Variants in PAK2 observed in about 807,000 individuals in gnomAD.
PAK2 encodes p21 (RAC1) activated kinase 2.
A neutral mutation model predicts 65.9 loss-of-function variants in PAK2; 21 were observed. The ratio of observed to expected loss-of-function variants is 0.32; its 90% CI spans 0.23 to 0.46. PAK2 has a LOEUF of 0.46. Among genes scored for constraint, PAK2 ranks in the 20% least tolerant of loss-of-function variants. PAK2 has a pLI of 1.00. For synonymous variants in PAK2, 204 were observed against 219.7 expected, an observed-to-expected ratio of 0.93 and a Z score of 0.63; for missense variants, 324 against 642.6, an observed-to-expected ratio of 0.50 and a Z score of 5.36.
intron 1 of PAK2, among the ~76,000 whole-genome samples, chr3:196,769,685 T>C (rs957951432): frequency 4.7e-5 from 7 of 149,632 alleles, no homozygotes; most frequent in Non-Finnish European, 1.0e-4. Context: ...GGCGTGGTGG[T>C]AGGCGCCTGC....
chr3:196,825,515 C>A (rs376526160), intron 13 of PAK2, among the ~76,000 whole-genome samples: 26 of 150,784 alleles, frequency 1.7e-4, no homozygotes, highest in Non-Finnish European at 4.4e-5. Context: ...TTTTGGCGGG[C>A]GCCTATAATC....
Position 196,799,804 on chromosome 3 carries a change from G to A in PAK2, c.188-2123G>A, listed in dbSNP as rs1285897423. On this transcript the variant is annotated intron_variant, in intron 2 of 14. Transcript: ENST00000327134. ...GGCTGAAGTTTGCATTTTAGATACA[G>A]TGTTTTGCCATGTTGGCCAGATGGG... is the stretch of plus-strand genomic sequence containing the variant. 2.0e-5 allele frequency among the ~76,000 whole-genome samples: 3 copies of A among 152,142 alleles called. No individual in the cohort carries two copies. The East Asian group carries it at 5.8e-4, about 29-fold the overall frequency.
At chr3:196,805,136 T>C (rs1715546840) in intron 4 of PAK2, among the ~76,000 whole-genome samples, 1 of 152,110 alleles carries the variant, frequency 6.6e-6, no homozygotes, top group African/African-American at 2.4e-5. Flanking sequence ...TTCACTGATT[T>C]TTACTAAATT....
Position 196,754,487 on chromosome 3 carries a change from A to G in PAK2, c.-22+14330A>G, listed in dbSNP as rs1266239089. 2.6e-5 allele frequency among the ~76,000 whole-genome samples: 4 copies of G among 152,166 alleles called. No individual in the cohort carries two copies. In the East Asian group the frequency reaches 7.7e-4, roughly 29 times the overall value. On this transcript the variant is annotated intron_variant, in intron 1 of 14. Transcript: ENST00000327134. Reference sequence around the variant, plus strand: ...GCCTGATTTCCAGTGATGAACAGACATTCCTCTTCATATGGTATTCTGGGC... The same window carrying G: ...GCCTGATTTCCAGTGATGAACAGACGTTCCTCTTCATATGGTATTCTGGGC...
intron 1 of PAK2, among the ~76,000 whole-genome samples, chr3:196,771,293 T>A (rs190514237): frequency 6.6e-6 from 1 of 152,182 alleles, no homozygotes; most frequent in Admixed American, 6.5e-5. Context: ...TCTGTGAAAT[T>A]TGTCTTTTTT....
chr3:196,823,966 A>T (rs370303294), intron 13 of PAK2, among the ~76,000 whole-genome samples: 1 of 152,124 alleles, frequency 6.6e-6, no homozygotes, highest in African/African-American at 2.4e-5. Flanking sequence ...ATTGACCTTC[A>T]CGTGTATCAG....
intron 2 of PAK2, among the ~76,000 whole-genome samples, chr3:196,800,744 G>A (rs145593665): frequency 2.0e-5 from 3 of 152,242 alleles, no homozygotes; most frequent in Middle Eastern, 3.4e-3. Context: ...CCAAAATGGC[G>A]CTGGCCTTCT....
intron 1 of PAK2, among the ~76,000 whole-genome samples, chr3:196,778,719 C>A (rs1486955878): frequency 6.6e-6 from 1 of 152,190 alleles, no homozygotes; most frequent in Non-Finnish European, 1.5e-5. Context: ...CAGGGTGTCA[C>A]GTTGCGTTTA....
intron 1 of PAK2, among the ~76,000 whole-genome samples, chr3:196,780,883 G>C (rs968014152): frequency 6.6e-6 from 1 of 152,114 alleles, no homozygotes; most frequent in African/African-American, 2.4e-5. Flanking sequence ...CTGCCTCCCG[G>C]GTTCACGCCA....
At chr3:196,815,735 C>G (rs113579516) in intron 11 of PAK2, among the ~76,000 whole-genome samples, 5,297 of 151,338 alleles carry the variant, frequency 0.035, 126 homozygotes, top group Non-Finnish European at 0.049. Context: ...CACAGTGAGC[C>G]GAGATCGTGC....
chr3:196,743,113 C>T (rs1394815469), intron 1 of PAK2, among the ~76,000 whole-genome samples: 1 of 152,034 alleles, frequency 6.6e-6, no homozygotes, highest in Admixed American at 6.6e-5. Context: ...GAAAAAAATC[C>T]CTCATTGCCC....
intron 11 of PAK2, among the ~76,000 whole-genome samples, chr3:196,816,943 G>A (rs1018595720): frequency 1.3e-5 from 2 of 152,080 alleles, no homozygotes; most frequent in Admixed American, 1.3e-4. Flanking sequence ...GGGCACTGAA[G>A]AACATCTTCT....
intron 11 of PAK2, among the ~76,000 whole-genome samples, chr3:196,814,846 C>T (rs1220294055): frequency 6.6e-6 from 1 of 152,110 alleles, no homozygotes; most frequent in Non-Finnish European, 1.5e-5. Context: ...ACCATCCAAA[C>T]AGGACACTTT....
intron 1 of PAK2, among the ~76,000 whole-genome samples, chr3:196,744,167 T>C (rs961002109): frequency 4.6e-5 from 7 of 152,052 alleles, no homozygotes; most frequent in Admixed American, 1.3e-4. Flanking sequence ...AGTCCAGGAA[T>C]TTGAGGTCAG....
At position 196,820,281 on chromosome 3, in the gene PAK2, CAAAAT is replaced by C; in HGVS notation, c.1154-88_1154-84del. ...CTTTAAAAACAAGAGGCCTAATAGT[CAAAAT>C]ATAATTAATTACATAATCTGAAGTG... is the stretch of plus-strand genomic sequence containing the variant. On this transcript the variant is annotated intron_variant, in intron 12 of 14. Transcript: ENST00000327134. This position sits in a 1 kb window ranked among gnomAD's most constrained non-coding sequence, Gnocchi z 4.6. 1 of 656,218 alleles carries C rather than the reference CAAAAT, an allele frequency of 1.5e-6. No homozygotes were observed. Among genetic ancestry groups the C allele is most frequent in the Non-Finnish European group, 2.4e-6 (1 of 416,104 alleles). The allele number at this position is 656,218 out of a possible 1,614,324, so 40.6% of individuals were successfully genotyped here.
chr3:196,778,194 C>A (rs74342174), intron 1 of PAK2, among the ~76,000 whole-genome samples: 2 of 151,996 alleles, frequency 1.3e-5, no homozygotes, highest in East Asian at 1.9e-4. Context: ...ACTTAGTGTT[C>A]GAGGGTCATC....
chr3:196,765,669 C>A (rs571194597), intron 1 of PAK2, among the ~76,000 whole-genome samples: 69 of 152,178 alleles, frequency 4.5e-4, no homozygotes, highest in Non-Finnish European at 8.7e-4. Context: ...TATTTGTCAT[C>A]ACTTGTGAGA....
chr3:196,812,376 G>T, intron 9 of PAK2, 109 bp downstream of exon 9: 1 of 754,248 alleles, frequency 1.3e-6, no homozygotes, highest in Non-Finnish European at 2.4e-6. Context: ...TGAGCCCGTT[G>T]TAAGAATCGC....
chr3:196,749,961 A>G lies in PAK2; in HGVS notation c.-22+9804A>G, dbSNP rs74772965. Among the ~76,000 whole-genome samples, 1,284 of 151,250 alleles carry G rather than the reference A, an allele frequency of 8.5e-3. 14 individuals are homozygous for G. The highest frequency in any genetic ancestry group is 0.029 in the African/African-American group (1,174 of 41,172). The stretch of plus-strand genomic sequence containing the variant: ...CTCAGCCTCCAGAGTAGCCAGGACT[A>G]CAGATACGCTACCTTACCTGGCTAT... On this transcript the variant is annotated intron_variant, in intron 1 of 14. Transcript: ENST00000327134.
Sources: allele counts gnomAD v4.1 joint callset (sites outside exome capture counted in the v4.1 genomes callset), GRCh38; gene constraint gnomAD v4.1.1; non-coding constraint Gnocchi (gnomAD v3.1); transcripts MANE v1.5; gene names NCBI Gene and HGNC (gene_info 2026-07-23, HGNC 2026-07-21).